RIOX2: variants seen among roughly 807,000 people sequenced by gnomAD.
RIOX2 encodes ribosomal oxygenase 2.
A neutral mutation model predicts 51.2 loss-of-function variants in RIOX2; 43 were observed. The observed-to-expected ratio is 0.84, with a 90% CI of 0.66 to 1.08. RIOX2 has a LOEUF of 1.08. Ranked by LOEUF, RIOX2 falls within the 50% of genes least tolerant of loss-of-function variation. The pLI is 0.00. For missense variants in RIOX2, 566 were observed against 561.7 expected, an observed-to-expected ratio of 1.01 and a Z score of -0.08; for synonymous variants, 226 against 218.5, an observed-to-expected ratio of 1.03 and a Z score of -0.30.
chr3:97,955,083 T>A (rs1210619881), intron 4 of RIOX2, among the ~76,000 whole-genome samples: 1 of 152,184 alleles, frequency 6.6e-6, no homozygotes, highest in African/African-American at 2.4e-5. Flanking sequence ...AGTCCCCCAC[T>A]TCCTGATAAT....
chr3:97,954,436 C>A lies in RIOX2; in HGVS notation c.741G>T (p.Gly247=), dbSNP rs981658218. The change falls in exon 5 of 10, where the codon GGG becomes GGT. Residue 247 remains glycine, a synonymous_variant. Transcript: ENST00000394198. ...TGGTCACGTGAGTAGAGTGGGCCAG[C>A]CCCGCAGGAGTGTCCGCTTGATGAA... ...GTIHQADTPA[G]LAHSTHVTIS... 3.1e-6 allele frequency: 5 copies of A among 1,613,938 alleles called. No homozygotes were observed. The highest frequency in any genetic ancestry group is 1.6e-4 in the Middle Eastern group (1 of 6,076).
At chr3:97,967,088 C>T (rs1409611961) in intron 2 of RIOX2, 74 bp downstream of exon 2, 1 of 1,495,742 alleles carries the variant, frequency 6.7e-7, no homozygotes, top group Non-Finnish European at 9.1e-7. Context: ...TACGTATTCA[C>T]CCTTGAGCTG....
intron 5 of RIOX2, chr3:97,952,393 G>T (rs751341430): frequency 5.1e-5 from 22 of 434,218 alleles, no homozygotes; most frequent in Non-Finnish European, 7.7e-5. Context: ...GGACCCAGGG[G>T]CAGCCGGCCA....
chr3:97,970,016 C>G (rs973005122), intron 1 of RIOX2, among the ~76,000 whole-genome samples: 25 of 152,198 alleles, frequency 1.6e-4, no homozygotes, highest in African/African-American at 6.0e-4. Context: ...ATTTTATATT[C>G]AGCCACACAT....
chr3:97,972,360 C>T (rs1385901650), intron 1 of RIOX2, 21 bp downstream of exon 1: 2 of 151,856 alleles, frequency 1.3e-5, no homozygotes, highest in African/African-American at 4.8e-5. Context: ...GCTGGGATGC[C>T]CACGAGAGCG....
rs114656212 is a variant in RIOX2 at position 97,949,929 on chromosome 3, C to T, written c.975G>A (p.Leu325=). ...AATCCTTCTTCATGTCTGAGGAAAGCAGTTCTTTGGTGCCCTCCAGCCGGT... is the reference window on the plus strand; with the variant it reads ...AATCCTTCTTCATGTCTGAGGAAAGTAGTTCTTTGGTGCCCTCCAGCCGGT... ...LADRLEGTKE[L]LSSDMKKDFI... is the part of the protein sequence containing the mutation. The change falls in exon 7 of 10, where the codon CTG becomes CTA. Residue 325 remains leucine (L), a synonymous_variant. Coordinates refer to ENST00000394198, the MANE Select transcript of RIOX2 (RefSeq NM_153182.4). 1.2e-3 allele frequency: 1,862 copies of T among 1,613,930 alleles called. 20 individuals carry two copies. The African/African-American group carries it at 0.022, about 19-fold the overall frequency.
At chr3:97,960,382 T>A (rs903130721) in intron 3 of RIOX2, among the ~76,000 whole-genome samples, 3 of 152,192 alleles carry the variant, frequency 2.0e-5, no homozygotes, top group African/African-American at 7.2e-5. Context: ...ATAACTTTTC[T>A]CCAGGTTCCT....
intron 1 of RIOX2, among the ~76,000 whole-genome samples, chr3:97,971,231 A>G (rs1483667999): frequency 6.6e-6 from 1 of 152,212 alleles, no homozygotes; most frequent in Non-Finnish European, 1.5e-5. Flanking sequence ...GTTTTACAGA[A>G]TGTAGTTCAG....
At chr3:97,961,906 G>A (rs1044611275) in intron 2 of RIOX2, among the ~76,000 whole-genome samples, 198 bp from the exon 3 acceptor site, 7 of 152,182 alleles carry the variant, frequency 4.6e-5, no homozygotes, top group African/African-American at 1.7e-4. Flanking sequence ...GAAACACCAT[G>A]TAACAGACGT....
chr3:97,943,262 A>G lies in RIOX2; in HGVS notation c.*1922T>C. On this transcript the variant is annotated 3_prime_UTR_variant, in exon 10 of 10. Coordinates refer to ENST00000394198, the MANE Select transcript of RIOX2 (RefSeq NM_153182.4). ...TGTGACAAGACTCATGTAATTGTAAATCAGCCCCTGGAGGGAGAAGAAACA... is the reference window on the plus strand; with the variant it reads ...TGTGACAAGACTCATGTAATTGTAAGTCAGCCCCTGGAGGGAGAAGAAACA... 1 of 1,594,020 alleles carries G rather than the reference A, an allele frequency of 6.3e-7. No individual in the cohort carries two copies. Among genetic ancestry groups the G allele is most frequent in the Non-Finnish European group, 8.6e-7 (1 of 1,164,116 alleles).
chr3:97,949,831 C>T lies in RIOX2; in HGVS notation c.1060+13G>A, dbSNP rs117714692. 6.2e-7 allele frequency: 1 copy of T among 1,611,790 alleles called. No homozygotes were observed. The highest frequency in any genetic ancestry group is 8.5e-7 in the Non-Finnish European group (1 of 1,179,080). Reference sequence around the variant, plus strand: ...TAGCCTCTGACCACCCAGAAGAAAACAGCAAGCTCCACCTGGTGTTGACAG... The same window carrying T: ...TAGCCTCTGACCACCCAGAAGAAAATAGCAAGCTCCACCTGGTGTTGACAG... On this transcript the variant is annotated intron_variant, in intron 7 of 9. Coordinates refer to ENST00000394198, the MANE Select transcript of RIOX2 (RefSeq NM_153182.4).
At chr3:97,960,658 G>A (rs994277613) in intron 3 of RIOX2, among the ~76,000 whole-genome samples, 2 of 152,124 alleles carry the variant, frequency 1.3e-5, no homozygotes, top group African/African-American at 4.8e-5. Flanking sequence ...GCCACTACTG[G>A]GTTTTATTTT....
At chr3:97,961,278 T>A (rs1238308766) in intron 3 of RIOX2, among the ~76,000 whole-genome samples, 1 of 152,200 alleles carries the variant, frequency 6.6e-6, no homozygotes, top group African/African-American at 2.4e-5. Context: ...TTTGTGAAAT[T>A]AAAGGAAAAG....
intron 4 of RIOX2, among the ~76,000 whole-genome samples, chr3:97,957,048 C>T (rs762386010): frequency 1.5e-4 from 23 of 152,160 alleles, no homozygotes; most frequent in East Asian, 1.9e-4. Context: ...ATGAACTGCA[C>T]GGGCTGCCAC....
chr3:97,955,294 C>G (rs1705407951), intron 4 of RIOX2, among the ~76,000 whole-genome samples: 1 of 152,126 alleles, frequency 6.6e-6, no homozygotes, highest in African/African-American at 2.4e-5. Context: ...CTCCTCTACC[C>G]TATTCCAAGT....
In RIOX2 at chr3:97,959,132, G is replaced by A. The variant is rs756664654; in HGVS notation, c.600C>T (p.His200=). The part of the protein sequence containing the change: ...LEGEKHWRLY[H]PTVPLAREYS... ...ACTCTCGTGCCAGGGGCACAGTGGGGTGGTAGAGGCGCCAGTGTTTCTCTC... is the reference window on the plus strand; with the variant it reads ...ACTCTCGTGCCAGGGGCACAGTGGGATGGTAGAGGCGCCAGTGTTTCTCTC... Residue 200 remains histidine, a synonymous_variant, in exon 4 of 10, where the codon CAC becomes CAT. Transcript: ENST00000394198. The A allele has an allele frequency of 5.0e-6, 8 of 1,613,916 alleles. 1 individual carries two copies. The South Asian group carries it at 7.7e-5, about 16-fold the overall frequency.
rs1432590783 is a variant in RIOX2, at chr3:97,967,615, C to A, written c.-22G>T. ...GCATCGTTCTGTCTTCAAGACAAAG[C>A]AGTAAGGAAATGCAAACCTACCAAA... On this transcript the variant is annotated 5_prime_UTR_variant, in exon 2 of 10. Coordinates refer to ENST00000394198, the MANE Select transcript of RIOX2 (RefSeq NM_153182.4). 1 of 1,536,620 alleles carries A rather than the reference C, an allele frequency of 6.5e-7. No homozygotes were observed. Among genetic ancestry groups the A allele is most frequent in the South Asian group, 1.3e-5 (1 of 79,450 alleles).
intron 2 of RIOX2, among the ~76,000 whole-genome samples, chr3:97,962,266 G>A (rs1021045563): frequency 4.0e-5 from 6 of 150,150 alleles, no homozygotes; most frequent in South Asian, 4.2e-4. Context: ...CCCTTTCCAC[G>A]TAACGAGATG....
chr3:97,946,625 T>C (rs868668343), intron 8 of RIOX2, among the ~76,000 whole-genome samples: 1 of 144,896 alleles, frequency 6.9e-6, no homozygotes, highest in Admixed American at 7.0e-5. Context: ...TGTATATTCA[T>C]ATATATATTC....
Sources: gnomAD v4.1 joint callset for allele counts (sites outside exome capture counted in the v4.1 genomes callset) on GRCh38, gnomAD v4.1.1 for gene constraint, MANE v1.5 for transcripts, NCBI Gene and HGNC (gene_info 2026-07-23, HGNC 2026-07-21) for gene names.